ZNF365: variants seen among roughly 807,000 people sequenced by gnomAD.
The protein encoded by ZNF365 is zinc finger protein 365.
ZNF365 carries 22 observed loss-of-function variants against 35.0 expected under a neutral mutation model. The observed-to-expected ratio is 0.63, with a 90% CI of 0.45 to 0.90. ZNF365 has a LOEUF of 0.90. Among genes scored for constraint, ZNF365 ranks in the 40% least tolerant of loss-of-function variants. ZNF365 has a pLI of 0.00. For synonymous variants in ZNF365, 188 were observed against 196.2 expected (o/e 0.96, Z 0.35); for missense variants, 448 against 500.3 (o/e 0.90, Z 1.00).
Position 62,401,077 on chromosome 10 carries a change from T to C in ZNF365, c.*1288T>C. On this transcript the variant is annotated 3_prime_UTR_variant, in exon 5 of 5. Coordinates refer to ENST00000395254, the MANE Select transcript of ZNF365 (RefSeq NM_014951.3). ...ATATCATCAGGTCTCTTGCAGAGTT[T>C]ACAAGTGCTGACATTCTTCTGAAAA... 1 of 985,538 alleles carries C rather than the reference T, an allele frequency of 1.0e-6. No homozygotes were observed. Among genetic ancestry groups the C allele is most frequent in the African/African-American group, 1.7e-5 (1 of 57,358 alleles). 61.0% of individuals were successfully genotyped at this position (985,538 alleles called of 1,614,324 possible).
At chr10:62,392,820 C>T (rs951904008) in intron 3 of ZNF365, among the ~76,000 whole-genome samples, 22 of 152,152 alleles carry the variant, frequency 1.4e-4, no homozygotes, top group African/African-American at 1.2e-4. Context: ...TTAATAGAGA[C>T]GGGGTTTCAC....
In ZNF365 at chr10:62,400,337, T is replaced by C. The variant is rs978285962; in HGVS notation, c.*548T>C. ...ATTCTGGTTAATCAAGATTTCAATT[T>C]CTGGGTTGCTCAAGGGACTCGTTCA... On this transcript the variant is annotated 3_prime_UTR_variant, in exon 5 of 5. Coordinates refer to ENST00000395254, the MANE Select transcript of ZNF365 (RefSeq NM_014951.3). 1 of 986,428 alleles carries C rather than the reference T, an allele frequency of 1.0e-6. No individual in the cohort carries two copies. Among genetic ancestry groups the C allele is most frequent in the African/African-American group, 1.7e-5 (1 of 57,246 alleles). The allele number at this position is 986,428 out of a possible 1,614,324, so 61.1% of individuals were successfully genotyped here.
At chr10:62,377,824 G>C (rs535374959) in intron 2 of ZNF365, among the ~76,000 whole-genome samples, 1 of 152,240 alleles carries the variant, frequency 6.6e-6, no homozygotes, top group East Asian at 1.9e-4. Flanking sequence ...TAAAATTGAT[G>C]GAGTAAAACA....
At chr10:62,446,802 C>T (rs1840597070) in intron 3 of ZNF365, among the ~76,000 whole-genome samples, 1 of 152,162 alleles carries the variant, frequency 6.6e-6, no homozygotes, top group Admixed American at 6.5e-5. Context: ...TGCTCTTTCC[C>T]TGCTCTGGCC....
rs200922294 is a variant in ZNF365, at chr10:62,376,256, T to C, written c.63T>C (p.Ala21=). The change falls in exon 2 of 5, where the codon GCT becomes GCC. Residue 21 remains alanine, a synonymous_variant. Coordinates refer to ENST00000395254, the MANE Select transcript of ZNF365 (RefSeq NM_014951.3). The part of the protein sequence containing the change: ...YPWQESFENV[A]VCLPLRCPRC... The stretch of plus-strand genomic sequence containing the variant: ...GGCAGGAGTCCTTTGAGAATGTTGC[T>C]GTGTGCCTGCCATTACGCTGCCCGA... 1.9e-6 allele frequency: 3 copies of C among 1,614,132 alleles called. No individual in the cohort carries two copies. Among genetic ancestry groups the C allele is most frequent in the South Asian group, 2.2e-5 (2 of 91,086 alleles).
downstream of ZNF365, among the ~76,000 whole-genome samples, chr10:62,404,476 A>G (rs1839875742): frequency 6.6e-6 from 1 of 152,200 alleles, no homozygotes; most frequent in Admixed American, 6.5e-5. Flanking sequence ...TCTCTGAGCT[A>G]CTATTTCCTT....
downstream of ZNF365, among the ~76,000 whole-genome samples, chr10:62,404,916 A>G (rs922957589): frequency 2.0e-5 from 3 of 152,214 alleles, no homozygotes; most frequent in Non-Finnish European, 2.9e-5. Context: ...CAAAGATAAC[A>G]CGCACCCATA....
intron 2 of ZNF365, among the ~76,000 whole-genome samples, chr10:62,383,469 T>G (rs1839474516): frequency 6.6e-6 from 1 of 152,202 alleles, no homozygotes; most frequent in South Asian, 2.1e-4. Flanking sequence ...GGAATGACCC[T>G]GGCAGAGGGA....
downstream of ZNF365, among the ~76,000 whole-genome samples, chr10:62,406,417 G>A (rs937305352): frequency 1.3e-5 from 2 of 152,030 alleles, no homozygotes; most frequent in African/African-American, 4.8e-5. Context: ...GTGATGACTT[G>A]ACTCATATCT....
intron 3 of ZNF365, among the ~76,000 whole-genome samples, chr10:62,433,234 G>A (rs1472052137): frequency 6.6e-6 from 1 of 152,176 alleles, no homozygotes; most frequent in Non-Finnish European, 1.5e-5. Flanking sequence ...AATGAGTTTT[G>A]GAGGCCCCTG....
At chr10:62,451,915 A>G (rs1233928033) in intron 3 of ZNF365, among the ~76,000 whole-genome samples, 1 of 152,174 alleles carries the variant, frequency 6.6e-6, no homozygotes, top group Non-Finnish European at 1.5e-5. Flanking sequence ...TGAATTCAGG[A>G]TGGATATTAA....
chr10:62,381,523 A>T (rs1485609795), intron 2 of ZNF365, among the ~76,000 whole-genome samples: 1 of 152,142 alleles, frequency 6.6e-6, no homozygotes, highest in Non-Finnish European at 1.5e-5. Context: ...AGACTTATGT[A>T]ATACTGAGTG....
intron 3 of ZNF365, among the ~76,000 whole-genome samples, chr10:62,420,709 G>A (rs934554095): frequency 6.6e-6 from 1 of 152,120 alleles, no homozygotes; most frequent in Non-Finnish European, 1.5e-5. Flanking sequence ...TTGATTTTCT[G>A]TCGTCTGGAC....
intron 4 of ZNF365, among the ~76,000 whole-genome samples, chr10:62,472,728 A>G (rs1187813380): frequency 1.3e-5 from 2 of 152,180 alleles, no homozygotes; most frequent in Admixed American, 1.3e-4. Context: ...AGCCCTAGCA[A>G]ACTAATATAC....
At chr10:62,445,798 A>T (rs905464722) in intron 3 of ZNF365, among the ~76,000 whole-genome samples, 4 of 152,120 alleles carry the variant, frequency 2.6e-5, no homozygotes, top group African/African-American at 9.7e-5. Context: ...GAAATCTGAT[A>T]TTTGTTTTGC....
chr10:62,376,960 C>T lies in ZNF365; in HGVS notation c.743+24C>T, dbSNP rs181259533. 207 of 1,596,386 alleles carry T rather than the reference C, an allele frequency of 1.3e-4. No homozygotes were observed. The African/African-American group carries it at 1.8e-3, about 14-fold the overall frequency. On this transcript the variant is annotated intron_variant, in intron 2 of 4. Transcript: ENST00000395254. ...GAGTAAGTGTTGCTGACAGGGGATGCTAACCCCATTGCTTTAAGCAGCACC... is the reference window on the plus strand; with the variant it reads ...GAGTAAGTGTTGCTGACAGGGGATGTTAACCCCATTGCTTTAAGCAGCACC...
At chr10:62,469,907 C>T (rs1188228837) in intron 4 of ZNF365, among the ~76,000 whole-genome samples, 1 of 152,120 alleles carries the variant, frequency 6.6e-6, no homozygotes, top group Non-Finnish European at 1.5e-5. Context: ...CATTTCAAAA[C>T]CTGTCTCTTA....
chr10:62,409,559 G>A lies in ZNF365; in HGVS notation c.924+20983G>A, dbSNP rs184274827. Among the ~76,000 whole-genome samples, 9 of 152,194 alleles carry A rather than the reference G, an allele frequency of 5.9e-5. No individual in the cohort carries two copies. The East Asian group carries it at 1.5e-3, about 26-fold the overall frequency. On this transcript the variant is annotated intron_variant, in intron 3 of 4. Coordinates refer to the ZNF365 transcript ENST00000395255. Reference sequence around the variant, plus strand: ...CATTCCAGTTGGGCTGTAATGAAGTGGTCATTGACTCTGTGGCACAAAAGG... The same window carrying A: ...CATTCCAGTTGGGCTGTAATGAAGTAGTCATTGACTCTGTGGCACAAAAGG...
chr10:62,434,988 G>T (rs984576349), intron 3 of ZNF365, among the ~76,000 whole-genome samples: 2 of 152,172 alleles, frequency 1.3e-5, no homozygotes, highest in South Asian at 2.1e-4. Flanking sequence ...AACAAGATGG[G>T]TTCCTGAATG....
Sources: gnomAD v4.1 joint callset for allele counts (sites outside exome capture counted in the v4.1 genomes callset) on GRCh38, gnomAD v4.1.1 for gene constraint, MANE v1.5 for transcripts, NCBI Gene and HGNC (gene_info 2026-07-23, HGNC 2026-07-21) for gene names.